The following ANO6 variants were observed in gnomAD, a reference collection of about 807,000 sequenced individuals.
The protein encoded by ANO6 is anoctamin-6.
In ANO6, 106 loss-of-function variants were observed where a neutral mutation model predicts 117.5. The observed-to-expected ratio is 0.90, with a 90% CI of 0.77 to 1.06. ANO6 has a LOEUF of 1.06. Among genes scored for constraint, ANO6 ranks in the 50% least tolerant of loss-of-function variants. The pLI is 0.00. For missense variants in ANO6, 955 were observed against 1,121.1 expected, an observed-to-expected ratio of 0.85 and a Z score of 2.12; for synonymous variants, 367 against 385.1, an observed-to-expected ratio of 0.95 and a Z score of 0.55.
intron 1 of ANO6, among the ~76,000 whole-genome samples, chr12:45,291,103 G>A (rs1277847363): frequency 6.6e-6 from 1 of 152,044 alleles, no homozygotes; most frequent in African/African-American, 2.4e-5. Flanking sequence ...AAAGAGCAAC[G>A]TTCAATCCCA....
At chr12:45,278,947 T>C (rs1355401817) in intron 1 of ANO6, among the ~76,000 whole-genome samples, 1 of 152,078 alleles carries the variant, frequency 6.6e-6, no homozygotes, top group Admixed American at 6.5e-5. Flanking sequence ...CAAGAGAAAA[T>C]ACAGCTAGTC....
intron 1 of ANO6, among the ~76,000 whole-genome samples, chr12:45,265,443 A>C (rs1328508700): frequency 6.6e-6 from 1 of 152,160 alleles, no homozygotes; most frequent in Admixed American, 6.5e-5. Context: ...TATATCTTGC[A>C]GTGTGGAATG....
intron 1 of ANO6, among the ~76,000 whole-genome samples, chr12:45,220,934 A>G (rs192712107): frequency 1.3e-5 from 2 of 152,308 alleles, no homozygotes; most frequent in East Asian, 1.9e-4. Context: ...AAGAACCCAA[A>G]AATTCTGTGC....
intron 19 of ANO6, among the ~76,000 whole-genome samples, chr12:45,427,808 C>T (rs1943539458): frequency 6.7e-6 from 1 of 150,008 alleles, no homozygotes; most frequent in Admixed American, 6.6e-5. Flanking sequence ...GGCATGGTGG[C>T]AGGTACCTGT....
intron 1 of ANO6, among the ~76,000 whole-genome samples, chr12:45,257,573 G>A (rs548398136): frequency 3.3e-5 from 5 of 152,114 alleles, no homozygotes; most frequent in African/African-American, 4.8e-5. Context: ...ACTCTGCTTC[G>A]TCTTTTTGCT....
At chr12:45,322,761 G>A (rs1235755829) in intron 2 of ANO6, among the ~76,000 whole-genome samples, 1 of 152,112 alleles carries the variant, frequency 6.6e-6, no homozygotes, top group East Asian at 1.9e-4. Context: ...AGATGAAAAA[G>A]TCAAAGGTCA....
chr12:45,285,565 C>T (rs749885002), intron 1 of ANO6, among the ~76,000 whole-genome samples: 38 of 152,022 alleles, frequency 2.5e-4, no homozygotes, highest in Admixed American at 1.0e-3. Context: ...CTTGTCTCTA[C>T]TAAAATACAA....
chr12:45,406,977 ATGGAAAT>A, intron 15 of ANO6, among the ~76,000 whole-genome samples: 2 of 152,316 alleles, frequency 1.3e-5, no homozygotes, highest in South Asian at 4.1e-4. Context: ...GTAAATTCCT[ATGGAAAT>A]TATTTTGTAA....
intron 8 of ANO6, among the ~76,000 whole-genome samples, chr12:45,363,391 C>T (rs995188532): frequency 5.3e-5 from 8 of 151,952 alleles, no homozygotes; most frequent in Non-Finnish European, 7.4e-5. Flanking sequence ...AGTGAAACCC[C>T]ATCTCTACTA....
chr12:45,297,429 C>CT (rs1276637414), intron 1 of ANO6, among the ~76,000 whole-genome samples: 1 of 152,120 alleles, frequency 6.6e-6, no homozygotes, highest in African/African-American at 2.4e-5. Context: ...GACAATGGCT[C>CT]TTTTTATTGG....
At chr12:45,283,001 T>C (rs1403499319) in intron 1 of ANO6, among the ~76,000 whole-genome samples, 1 of 152,236 alleles carries the variant, frequency 6.6e-6, no homozygotes, top group Non-Finnish European at 1.5e-5. Flanking sequence ...TTCTGTATAT[T>C]ATAGACATGT....
intron 8 of ANO6, among the ~76,000 whole-genome samples, chr12:45,359,650 T>TA (rs1941502958): frequency 1.3e-5 from 2 of 152,260 alleles, no homozygotes; most frequent in Admixed American, 1.3e-4. Context: ...GGCCAAATAA[T>TA]ACTCCATGTG....
At chr12:45,225,907 C>T (rs1160883552) in intron 1 of ANO6, among the ~76,000 whole-genome samples, 8 of 152,112 alleles carry the variant, frequency 5.3e-5, no homozygotes, top group Non-Finnish European at 7.3e-5. Flanking sequence ...CTTTAGCCAA[C>T]GAAATGTACT....
chr12:45,284,690 A>G (rs1476626438), intron 1 of ANO6, among the ~76,000 whole-genome samples: 1 of 152,158 alleles, frequency 6.6e-6, no homozygotes, highest in Non-Finnish European at 1.5e-5. Context: ...TTCACACGTA[A>G]AATACCTTAG....
chr12:45,235,412 A>C (rs1947630385), intron 1 of ANO6, among the ~76,000 whole-genome samples: 1 of 152,228 alleles, frequency 6.6e-6, no homozygotes, highest in East Asian at 1.9e-4. Context: ...AAGAGATGGG[A>C]GGCTTAACTT....
chr12:45,327,024 A>C (rs541833210), intron 2 of ANO6, among the ~76,000 whole-genome samples: 17 of 152,338 alleles, frequency 1.1e-4, no homozygotes, highest in South Asian at 4.1e-4. Context: ...ATATAGGCCT[A>C]GTCTGTATTG....
At chr12:45,400,451 A>G (rs922548986) in intron 12 of ANO6, among the ~76,000 whole-genome samples, 2 of 152,248 alleles carry the variant, frequency 1.3e-5, no homozygotes, top group Non-Finnish European at 1.5e-5. Flanking sequence ...GAAATAGATT[A>G]CAGGAGAAAT....
chr12:45,379,524 G>A (rs1199806443), intron 10 of ANO6, among the ~76,000 whole-genome samples: 1 of 152,052 alleles, frequency 6.6e-6, no homozygotes, highest in Non-Finnish European at 1.5e-5. Context: ...ACCTTTCTCC[G>A]CCCTCCCCTT....
chr12:45,326,655 T>C (rs1173205941), intron 2 of ANO6, among the ~76,000 whole-genome samples: 1 of 152,146 alleles, frequency 6.6e-6, no homozygotes, highest in African/African-American at 2.4e-5. Flanking sequence ...ACTAATTTAG[T>C]AAAAATGAAC....
Sources: allele counts gnomAD v4.1 joint callset (sites outside exome capture counted in the v4.1 genomes callset), GRCh38; gene constraint gnomAD v4.1.1; transcripts MANE v1.5; gene names NCBI Gene and HGNC (gene_info 2026-07-23, HGNC 2026-07-21).